NCAM2: variants seen among roughly 807,000 people sequenced by gnomAD.
The protein encoded by NCAM2 is N-CAM-2.
Under a neutral mutation model 98.1 loss-of-function variants are expected in NCAM2, and 30 were observed. The ratio of observed to expected loss-of-function variants is 0.31; its 90% CI spans 0.23 to 0.41. The LOEUF is 0.41. NCAM2 is among the 10% of genes least tolerant of loss of function. The pLI is 1.00. For synonymous variants in NCAM2, 368 were observed against 342.4 expected (o/e 1.07, Z -0.83); for missense variants, 867 against 1,005.8 (o/e 0.86, Z 1.87).
chr21:21,057,914 A>G (rs572462196), intron 1 of NCAM2, among the ~76,000 whole-genome samples: 99 of 152,158 alleles, frequency 6.5e-4, no homozygotes, highest in African/African-American at 2.3e-3. Flanking sequence ...GGAGACTCCA[A>G]TACCTGTCTC....
intron 1 of NCAM2, among the ~76,000 whole-genome samples, chr21:21,041,406 G>T (rs1002611236): frequency 2.2e-4 from 33 of 152,296 alleles, no homozygotes; most frequent in African/African-American, 7.9e-4. Context: ...GGGTGCTGGT[G>T]ACAGAAGGTG....
intron 15 of NCAM2, among the ~76,000 whole-genome samples, chr21:21,490,021 A>G (rs1407595169): frequency 6.6e-6 from 1 of 152,042 alleles, no homozygotes; most frequent in East Asian, 1.9e-4. Flanking sequence ...TTAGACAAAG[A>G]TGAGAGTTTA....
intron 8 of NCAM2, among the ~76,000 whole-genome samples, chr21:21,346,944 A>C (rs1238123638): frequency 6.6e-6 from 1 of 151,986 alleles, no homozygotes; most frequent in Admixed American, 6.6e-5. Context: ...TCAAATATGC[A>C]ATCTAATGAT....
intron 1 of NCAM2, among the ~76,000 whole-genome samples, chr21:21,135,608 C>T (rs1364068272): frequency 6.6e-6 from 1 of 152,122 alleles, no homozygotes; most frequent in Non-Finnish European, 1.5e-5. Flanking sequence ...CCTTGATTAG[C>T]GGTTGCATCT....
intron 4 of NCAM2, among the ~76,000 whole-genome samples, chr21:21,288,685 G>T (rs971875542): frequency 1.3e-5 from 2 of 151,740 alleles, no homozygotes; most frequent in African/African-American, 2.4e-5. Context: ...ATTATTCACT[G>T]CTTATACCTC....
intron 8 of NCAM2, among the ~76,000 whole-genome samples, chr21:21,368,873 T>A (rs1451801986): frequency 6.6e-6 from 1 of 151,860 alleles, no homozygotes; most frequent in Non-Finnish European, 1.5e-5. Context: ...CAAGTGCATC[T>A]ACTTTATTCC....
chr21:21,233,428 T>C (rs961092581), intron 1 of NCAM2, among the ~76,000 whole-genome samples: 4 of 151,672 alleles, frequency 2.6e-5, no homozygotes, highest in Admixed American at 6.6e-5. Context: ...GTCAAAAATA[T>C]ATGTTTCTTA....
intron 1 of NCAM2, among the ~76,000 whole-genome samples, chr21:21,208,680 G>T (rs73228536): frequency 1.3e-5 from 2 of 151,890 alleles, no homozygotes; most frequent in Non-Finnish European, 2.9e-5. Context: ...TTGTAGAGGA[G>T]ACCTTAAGAA....
At chr21:21,329,352 A>G (rs1181452975) in intron 6 of NCAM2, among the ~76,000 whole-genome samples, 2 of 152,196 alleles carry the variant, frequency 1.3e-5, no homozygotes, top group African/African-American at 2.4e-5. Context: ...AACATTCAGT[A>G]TAGTAACATA....
chr21:21,507,782 C>T (rs1988082116), intron 15 of NCAM2, among the ~76,000 whole-genome samples: 1 of 122,076 alleles, frequency 8.2e-6, no homozygotes, highest in African/African-American at 3.3e-5. Flanking sequence ...GAGCAAGACT[C>T]CATCTCAAAA....
At chr21:21,179,300 T>A (rs910452536) in intron 1 of NCAM2, among the ~76,000 whole-genome samples, 3 of 152,140 alleles carry the variant, frequency 2.0e-5, no homozygotes, top group Admixed American at 6.6e-5. Context: ...TATTTGCTGA[T>A]TGTATTATTA....
At chr21:21,125,632 A>G (rs1283822250) in intron 1 of NCAM2, among the ~76,000 whole-genome samples, 2 of 136,472 alleles carry the variant, frequency 1.5e-5, no homozygotes, top group African/African-American at 2.7e-5. Flanking sequence ...TATATAATAT[A>G]TAATATTTTA....
intron 14 of NCAM2, among the ~76,000 whole-genome samples, chr21:21,472,719 A>T (rs1230632475): frequency 2.0e-5 from 3 of 151,970 alleles, no homozygotes; most frequent in Non-Finnish European, 4.4e-5. Context: ...GCCAATGTTT[A>T]TAGATATGAG....
At chr21:21,074,611 A>C (rs2065640411) in intron 1 of NCAM2, among the ~76,000 whole-genome samples, 1 of 152,186 alleles carries the variant, frequency 6.6e-6, no homozygotes, top group Non-Finnish European at 1.5e-5. Flanking sequence ...ACTGGATTTC[A>C]TTATGGGAGT....
At chr21:21,182,624 T>G (rs1264587739) in intron 1 of NCAM2, among the ~76,000 whole-genome samples, 1 of 152,234 alleles carries the variant, frequency 6.6e-6, no homozygotes, top group Non-Finnish European at 1.5e-5. Context: ...TTGCTCTAGT[T>G]GAATTGGCTT....
At position 21,540,612 on chromosome 21, in the gene NCAM2, A is replaced by G. The variant is rs1212494009; in HGVS notation, c.*2655A>G. ...TTCATTCTTATTCTAGATTAAACAAACATATACATATAACCATATAAATGT... is the reference window on the plus strand; with the variant it reads ...TTCATTCTTATTCTAGATTAAACAAGCATATACATATAACCATATAAATGT... On this transcript the variant is annotated 3_prime_UTR_variant, in exon 18 of 18. Coordinates refer to ENST00000400546, the MANE Select transcript of NCAM2 (RefSeq NM_004540.5). The G allele has an allele frequency of 6.6e-6, 1 of 152,102 alleles. No homozygotes were observed. The highest frequency in any genetic ancestry group is 1.5e-5 in the Non-Finnish European group (1 of 67,986). The allele number at this position is 152,102 out of a possible 1,614,324, so 9.4% of individuals were successfully genotyped here. A position where few individuals can be genotyped will look rare whatever the true frequency, so the allele number is the denominator to read the frequency against.
At chr21:21,482,794 A>T (rs962182191) in intron 15 of NCAM2, among the ~76,000 whole-genome samples, 1 of 151,966 alleles carries the variant, frequency 6.6e-6, no homozygotes, top group East Asian at 1.9e-4. Context: ...CTTATTAAAG[A>T]TGTACTTATT....
intron 9 of NCAM2, among the ~76,000 whole-genome samples, chr21:21,382,662 C>G (rs150666688): frequency 6.6e-6 from 1 of 151,688 alleles, no homozygotes; most frequent in Non-Finnish European, 1.5e-5. Context: ...ATTACAGGTG[C>G]GTGCCACCAT....
chr21:21,020,195 C>A (rs555758953), intron 1 of NCAM2, among the ~76,000 whole-genome samples: 1 of 152,038 alleles, frequency 6.6e-6, no homozygotes, highest in Non-Finnish European at 1.5e-5. Flanking sequence ...ACCACCAAGC[C>A]TGGCTAATTT....
Sources: gnomAD v4.1 joint callset for allele counts (sites outside exome capture counted in the v4.1 genomes callset) on GRCh38, gnomAD v4.1.1 for gene constraint, MANE v1.5 for transcripts, NCBI Gene and HGNC (gene_info 2026-07-23, HGNC 2026-07-21) for gene names.